TNIP3: variants seen among roughly 807,000 people sequenced by gnomAD.
The protein encoded by TNIP3 is TNFAIP3 interacting protein 3.
In TNIP3, 34 loss-of-function variants were observed where a neutral mutation model predicts 54.1. The ratio of observed to expected loss-of-function variants is 0.63; its 90% confidence interval spans 0.48 to 0.84. TNIP3 has a LOEUF of 0.84. TNIP3 is among the 40% of genes least tolerant of loss of function. The pLI, the probability that TNIP3 is intolerant of heterozygous loss-of-function variation, is 0.00. For missense variants in TNIP3, 366 were observed against 387.6 expected (o/e 0.94, Z 0.47); for synonymous variants, 134 against 136.8 (o/e 0.98, Z 0.14).
intron 5 of TNIP3, among the ~76,000 whole-genome samples, chr4:121,151,438 C>G (rs1729750493): frequency 6.6e-6 from 1 of 151,964 alleles, no homozygotes; most frequent in African/African-American, 2.4e-5. Context: ...ACTGTCTAGC[C>G]TGATATGAAT....
Position 121,150,226 on chromosome 4 carries a change from A to C in TNIP3, c.493-7T>G, listed in dbSNP as rs115720962. The C allele has an allele frequency of 1.3e-3, 2,054 of 1,558,148 alleles. 22 individuals carry two copies. The African/African-American group carries it at 0.024, about 18-fold the overall frequency. On this transcript the variant is annotated splice_polypyrimidine_tract_variant and splice_region_variant and intron_variant, in intron 5 of 10. Transcript: ENST00000057513. ...TCAAGGCATCCTGAAGAGCCTACGT[A>C]ATAAGATAAGTACACTGTTGATCTA...
upstream of TNIP3, among the ~76,000 whole-genome samples, chr4:121,169,165 A>G (rs925752172): frequency 1.3e-5 from 2 of 152,124 alleles, no homozygotes; most frequent in Non-Finnish European, 2.9e-5. Flanking sequence ...AGAACTCTTT[A>G]TAGTGGCAAG....
chr4:121,169,478 T>G (rs1374850986), intron 3 of TNIP3, among the ~76,000 whole-genome samples: 1 of 152,208 alleles, frequency 6.6e-6, no homozygotes, highest in Non-Finnish European at 1.5e-5. Context: ...TTCTTCTTTT[T>G]GTTGATTGCC....
At chr4:121,209,361 G>C (rs1450020314) in intron 2 of TNIP3, among the ~76,000 whole-genome samples, 1 of 152,184 alleles carries the variant, frequency 6.6e-6, no homozygotes, top group Non-Finnish European at 1.5e-5. Context: ...CTTATAACTG[G>C]CCTCTGAAGT....
In TNIP3 at chr4:121,147,311, G is replaced by C; in HGVS notation, c.610-137C>G. ...ACTAGTGTTCAGTGTCACTGTTTTG[G>C]AGCAAGTCATCCATCCCTAACACAA... On this transcript the variant is annotated intron_variant, in intron 6 of 10. Coordinates refer to ENST00000057513, the MANE Select transcript of TNIP3 (RefSeq NM_024873.6). 3.8e-6 allele frequency: 4 copies of C among 1,060,956 alleles called. No homozygotes were observed. In the South Asian group the frequency reaches 6.4e-5, roughly 17 times the overall value. 65.7% of individuals were successfully genotyped at this position (1,060,956 alleles called of 1,614,324 possible).
intron 2 of TNIP3, among the ~76,000 whole-genome samples, chr4:121,160,369 C>T (rs1038204819): frequency 1.3e-5 from 2 of 151,972 alleles, no homozygotes; most frequent in African/African-American, 4.8e-5. Flanking sequence ...ATCCCAGCTA[C>T]TTGGGAGGCT....
chr4:121,166,919 C>T (rs911087893), upstream of TNIP3, among the ~76,000 whole-genome samples: 5 of 152,138 alleles, frequency 3.3e-5, no homozygotes, highest in African/African-American at 1.2e-4. Flanking sequence ...TCTGGACTCA[C>T]AGCTTGGCTC....
intron 3 of TNIP3, among the ~76,000 whole-genome samples, chr4:121,175,443 T>G (rs556888991): frequency 6.6e-6 from 1 of 152,216 alleles, no homozygotes; most frequent in African/African-American, 2.4e-5. Flanking sequence ...CTTGGTTGCT[T>G]CCCCCACCAA....
At chr4:121,197,267 C>T (rs1469869263) in intron 2 of TNIP3, among the ~76,000 whole-genome samples, 1 of 152,090 alleles carries the variant, frequency 6.6e-6, no homozygotes, top group Non-Finnish European at 1.5e-5. Flanking sequence ...GCAGCTCATG[C>T]CTATAATCCC....
chr4:121,148,631 T>C (rs974722903), intron 6 of TNIP3, among the ~76,000 whole-genome samples: 5 of 152,238 alleles, frequency 3.3e-5, no homozygotes, highest in Admixed American at 1.3e-4. Flanking sequence ...TTTTCAGCTA[T>C]GTATTTTACC....
At chr4:121,207,314 A>G (rs939547611) in intron 2 of TNIP3, among the ~76,000 whole-genome samples, 4 of 152,190 alleles carry the variant, frequency 2.6e-5, no homozygotes, top group Non-Finnish European at 5.9e-5. Flanking sequence ...GACAGCTATA[A>G]AGCAGAAACT....
intron 3 of TNIP3, among the ~76,000 whole-genome samples, chr4:121,171,028 C>T (rs1412670267): frequency 1.3e-5 from 2 of 152,102 alleles, no homozygotes; most frequent in Non-Finnish European, 2.9e-5. Context: ...GTTGGCTAGG[C>T]TGGTCTCAAA....
At chr4:121,181,981 T>C (rs1724741452) in intron 3 of TNIP3, among the ~76,000 whole-genome samples, 1 of 152,168 alleles carries the variant, frequency 6.6e-6, no homozygotes, top group Non-Finnish European at 1.5e-5. Flanking sequence ...TATAAAGAAG[T>C]ATAAATTACT....
At chr4:121,164,942 C>A (rs1257585862), upstream of TNIP3, among the ~76,000 whole-genome samples, 1 of 151,690 alleles carries the variant, frequency 6.6e-6, no homozygotes, top group African/African-American at 2.4e-5. Context: ...TTTTAGGAGC[C>A]TTGAGGTAAT....
chr4:121,166,733 A>T (rs764859312), upstream of TNIP3, among the ~76,000 whole-genome samples: 7 of 152,230 alleles, frequency 4.6e-5, no homozygotes, highest in Non-Finnish European at 7.3e-5. Context: ...TATTGGAGGC[A>T]TTCTTTGGCA....
intron 10 of TNIP3, among the ~76,000 whole-genome samples, chr4:121,133,752 G>A (rs950706044): frequency 5.9e-5 from 9 of 152,182 alleles, no homozygotes; most frequent in South Asian, 2.1e-4. Flanking sequence ...TAAATGTACA[G>A]TGAAGGTGGG....
At chr4:121,172,441 GA>G (rs1331418039) in intron 3 of TNIP3, among the ~76,000 whole-genome samples, 1 of 152,164 alleles carries the variant, frequency 6.6e-6, no homozygotes, top group African/African-American at 2.4e-5. Flanking sequence ...ACAGGCCAAT[GA>G]AAAAACCCGT....
intron 1 of TNIP3, among the ~76,000 whole-genome samples, chr4:121,161,566 T>A (rs1376721111): frequency 6.6e-6 from 1 of 152,224 alleles, no homozygotes; most frequent in Non-Finnish European, 1.5e-5. Flanking sequence ...TCAGGTAAGT[T>A]TCATGGATAT....
chr4:121,227,088 T>A (rs1490614283), intron 1 of TNIP3, among the ~76,000 whole-genome samples: 1 of 152,220 alleles, frequency 6.6e-6, no homozygotes, highest in Non-Finnish European at 1.5e-5. Context: ...GTTAAATGTG[T>A]CATTTCCAAA....
Sources: gnomAD v4.1 joint callset for allele counts (sites outside exome capture counted in the v4.1 genomes callset) on GRCh38, gnomAD v4.1.1 for gene constraint, MANE v1.5 for transcripts, NCBI Gene and HGNC (gene_info 2026-07-23, HGNC 2026-07-21) for gene names.